CARD14: variants seen among roughly 807,000 people sequenced by gnomAD.
CARD14 encodes caspase recruitment domain family member 14.
Under a neutral mutation model 111.5 loss-of-function variants are expected in CARD14, and 107 were observed. That is an observed-to-expected ratio of 0.96 (90% CI 0.82 to 1.13). The LOEUF (loss-of-function observed/expected upper bound fraction) is 1.13, where lower values mean the gene tolerates loss of function less well. Ranked by LOEUF, CARD14 falls within the 50% of genes most tolerant of loss-of-function variation. The pLI is 0.00. For missense variants in CARD14, 1,322 were observed against 1,362.3 expected (o/e 0.97, Z 0.47); for synonymous variants, 617 against 579.6 (o/e 1.06, Z -0.93).
Position 80,184,186 on chromosome 17 carries a change from C to T in CARD14, c.623C>T (p.Ala208Val), listed in dbSNP as rs538572480. ...AGCCTCTCGCTGCACTATAGCAATGCGCTGCAGGAGAAGGAGCTGGCCGCC... is the reference window on the plus strand; with the variant it reads ...AGCCTCTCGCTGCACTATAGCAATGTGCTGCAGGAGAAGGAGCTGGCCGCC... ...MLSLSLHYSN[A>V]LQEKELAASR... is the part of the protein sequence containing the mutation. Residue 208 changes from alanine (A) to valine (V), a missense_variant, in exon 7 of 24, where the codon GCG becomes GTG. Physicochemically the swap from Ala to Val is moderately conservative, Grantham distance 64. Coordinates refer to ENST00000648509, the MANE Select transcript of CARD14 (RefSeq NM_001366385.1). 3.7e-5 allele frequency: 58 copies of T among 1,560,440 alleles called. No individual in the cohort carries two copies. Among genetic ancestry groups the T allele is most frequent in the Middle Eastern group, 1.7e-4 (1 of 5,842 alleles).
At position 80,208,501 on chromosome 17, in the gene CARD14, C is replaced by T. The variant is rs769538222; in HGVS notation, c.*156C>T. 5 of 627,620 alleles carry T rather than the reference C, an allele frequency of 8.0e-6. No individual in the cohort carries two copies. The highest frequency in any genetic ancestry group is 4.2e-4 in the Middle Eastern group (1 of 2,364). 38.9% of individuals were successfully genotyped at this position (627,620 alleles called of 1,614,324 possible). On this transcript the variant is annotated 3_prime_UTR_variant, in exon 24 of 24. Transcript: ENST00000648509. Reference sequence around the variant, plus strand: ...GGGGTCTAACCTTGAACCCTCACCACGTGCAGGTCACACACAGTGAAGCCA... The same window carrying T: ...GGGGTCTAACCTTGAACCCTCACCATGTGCAGGTCACACACAGTGAAGCCA...
chr17:80,199,035 A>T, intron 16 of CARD14: 1 of 509,808 alleles, frequency 2.0e-6, no homozygotes, highest in Non-Finnish European at 2.5e-6. Context: ...TGCAGCCTCG[A>T]CCTCCCCAGG....
rs528579046 is a variant in CARD14 at position 80,198,290 on chromosome 17, G to C, written c.1659-109G>C. The C allele has an allele frequency of 3.8e-5, 59 of 1,565,026 alleles. No individual in the cohort carries two copies. The East Asian group carries it at 9.3e-4, about 25-fold the overall frequency. Reference sequence around the variant, plus strand: ...TTTCCAAGCACATGGGGCCATGGAGGGGGAGGAGAATTCCAGAACACTGGG... The same window carrying C: ...TTTCCAAGCACATGGGGCCATGGAGCGGGAGGAGAATTCCAGAACACTGGG... On this transcript the variant is annotated intron_variant, in intron 15 of 23. Transcript: ENST00000648509. This position sits in a 1 kb window ranked among gnomAD's most constrained non-coding sequence, Gnocchi z 7.5.
At chr17:80,194,764 C>T (rs1450213773) in intron 12 of CARD14, among the ~76,000 whole-genome samples, 5 of 152,092 alleles carry the variant, frequency 3.3e-5, no homozygotes, top group African/African-American at 7.2e-5. Context: ...GTCACTCTCA[C>T]GAGAACAGCA....
chr17:80,190,006 GT>G (rs1214969681), intron 9 of CARD14, 134 bp downstream of exon 9: 25 of 1,255,870 alleles, frequency 2.0e-5, no homozygotes, highest in Non-Finnish European at 2.5e-5. Flanking sequence ...CTGTCGGCCT[GT>G]TCATCTGTCC....
Position 80,205,207 on chromosome 17 carries a change from T to TA in CARD14, c.2569+3dup. 6.2e-7 allele frequency: 1 copy of TA among 1,609,312 alleles called. No homozygotes were observed. The highest frequency in any genetic ancestry group is 8.5e-7 in the Non-Finnish European group (1 of 1,177,004). ...AAGGGTTTAAGAAGTGCCTGGCAGG[T>TA]ATGCTGTTGCCTGGGAATCCCTCTA... On this transcript the variant is annotated splice_region_variant and intron_variant, in intron 21 of 23. Transcript: ENST00000648509.
At position 80,183,901 on chromosome 17, in the gene CARD14, A is replaced by C. The variant is rs936840704; in HGVS notation, c.350-12A>C. 3 of 1,469,076 alleles carry C rather than the reference A, an allele frequency of 2.0e-6. No homozygotes were observed. The East Asian group carries it at 7.2e-5, about 35-fold the overall frequency. The allele number at this position is 1,469,076 out of a possible 1,614,324, so 91.0% of individuals were successfully genotyped here. On this transcript the variant is annotated splice_polypyrimidine_tract_variant and intron_variant, in intron 6 of 23. Coordinates refer to ENST00000648509, the MANE Select transcript of CARD14 (RefSeq NM_001366385.1). Reference sequence around the variant, plus strand: ...TACCTGCTCACTTGCTCACCTGCCCATCTGCCCACAGGTCTCATGGAGACA... The same window carrying C: ...TACCTGCTCACTTGCTCACCTGCCCCTCTGCCCACAGGTCTCATGGAGACA...
chr17:80,194,723 TTATAAA>T (rs2040648576), intron 12 of CARD14, among the ~76,000 whole-genome samples: 1 of 152,030 alleles, frequency 6.6e-6, no homozygotes, highest in Non-Finnish European at 1.5e-5. Flanking sequence ...GGGAAGCCCT[TTATAAA>T]ACCATCAGAT....
intron 21 of CARD14, 47 bp from the exon 22 acceptor site, chr17:80,205,484 C>T (rs1240080920): frequency 6.4e-7 from 1 of 1,564,196 alleles, no homozygotes; most frequent in Non-Finnish European, 8.7e-7. Context: ...CTCCCCCAGA[C>T]CCCCACACAG....
intron 12 of CARD14, among the ~76,000 whole-genome samples, chr17:80,194,669 C>A (rs1342967757): frequency 1.3e-5 from 2 of 152,148 alleles, no homozygotes; most frequent in African/African-American, 4.8e-5. Flanking sequence ...CAGAAGGCAC[C>A]TCTTCGCAGA....
intron 10 of CARD14, 98 bp downstream of exon 10, chr17:80,190,997 C>A: frequency 6.8e-7 from 1 of 1,479,234 alleles, no homozygotes; most frequent in Non-Finnish European, 9.1e-7. Context: ...CCCTTGATGG[C>A]AGCTGGTCCC....
At chr17:80,202,138 C>T (rs748693840) in intron 17 of CARD14, 42 bp from the exon 18 acceptor site, 10 of 1,539,212 alleles carry the variant, frequency 6.5e-6, no homozygotes, top group South Asian at 3.4e-5. Context: ...CGCAGAGGCT[C>T]GTATCTGTGG....
chr17:80,199,090 G>A (rs376621086), intron 16 of CARD14, among the ~76,000 whole-genome samples: 1 of 152,234 alleles, frequency 6.6e-6, no homozygotes, highest in Non-Finnish European at 1.5e-5. Flanking sequence ...GCTGGGACCA[G>A]ACCACAAGCA....
chr17:80,202,093 C>T, intron 17 of CARD14, 87 bp from the exon 18 acceptor site: 2 of 1,315,708 alleles, frequency 1.5e-6, no homozygotes, highest in Admixed American at 1.9e-5. Flanking sequence ...GAGGGTCCTT[C>T]CTTCTCTCCT....
At position 80,203,299 on chromosome 17, in the gene CARD14, T is replaced by C. The variant is rs1307370797; in HGVS notation, c.2220-523T>C. On this transcript the variant is annotated intron_variant, in intron 18 of 23. Coordinates refer to ENST00000648509, the MANE Select transcript of CARD14 (RefSeq NM_001366385.1). The surrounding 1 kb of genome is among the most constrained non-coding windows in gnomAD (Gnocchi z 4.6). ...AAAAAAAAAAAGAAAAGGAAACCAT[T>C]GTTCTAGATCAGCCTATGGGAGGCT... The C allele has an allele frequency of 1.3e-5, 2 of 151,898 alleles. No individual in the cohort carries two copies. The highest frequency in any genetic ancestry group is 2.9e-5 in the Non-Finnish European group (2 of 68,434). 9.4% of individuals were successfully genotyped at this position (151,898 alleles called of 1,614,324 possible).
chr17:80,192,701 C>G, intron 12 of CARD14, 82 bp downstream of exon 12: 1 of 886,878 alleles, frequency 1.1e-6, no homozygotes, highest in Non-Finnish European at 1.8e-6. Flanking sequence ...CGAAAGTGAG[C>G]CTCCTTCCAC....
intron 7 of CARD14, among the ~76,000 whole-genome samples, chr17:80,185,356 T>C (rs1202527279): frequency 6.6e-6 from 1 of 152,212 alleles, no homozygotes; most frequent in Non-Finnish European, 1.5e-5. Flanking sequence ...GGCCAGCGCT[T>C]TGCCTTTAAT....
intron 5 of CARD14, 113 bp downstream of exon 5, chr17:80,181,762 C>G (rs1044208132): frequency 1.0e-6 from 1 of 976,762 alleles, no homozygotes; most frequent in Non-Finnish European, 1.5e-6. Context: ...TATAAAAACA[C>G]TTGCTGTTGC....
chr17:80,186,803 G>T (rs925825120), intron 7 of CARD14, among the ~76,000 whole-genome samples: 3 of 152,138 alleles, frequency 2.0e-5, no homozygotes, highest in Non-Finnish European at 4.4e-5. Flanking sequence ...GCCCACCTCG[G>T]TCTCCCAAAG....
Sources: allele counts gnomAD v4.1 joint callset (sites outside exome capture counted in the v4.1 genomes callset), GRCh38; gene constraint gnomAD v4.1.1; non-coding constraint Gnocchi (gnomAD v3.1); transcripts MANE v1.5; gene names NCBI Gene and HGNC (gene_info 2026-07-23, HGNC 2026-07-21).